FLRT1: variants seen among roughly 807,000 people sequenced by gnomAD.
FLRT1 encodes the protein leucine-rich repeat transmembrane protein FLRT1.
In FLRT1, 14 loss-of-function variants were observed where a neutral mutation model predicts 30.9. The observed-to-expected ratio is 0.45, with a 90% CI of 0.30 to 0.71. FLRT1 has a LOEUF of 0.71. Among genes scored for constraint, FLRT1 ranks in the 30% least tolerant of loss-of-function variants. The probability of loss-of-function intolerance (pLI) is 0.08; values close to 1 mark genes in which losing one functional copy is unlikely to be tolerated. For synonymous variants in FLRT1, 368 were observed against 430.4 expected, an observed-to-expected ratio of 0.85 and a Z score of 1.80; for missense variants, 737 against 949.2, an observed-to-expected ratio of 0.78 and a Z score of 2.94.
Position 64,117,875 on chromosome 11 carries a change from C to T in FLRT1, c.1608C>T (p.Thr536=), listed in dbSNP as rs1247874690. Residue 536 remains threonine (T), a synonymous_variant, in exon 3 of 3, where the codon ACC becomes ACT. Transcript: ENST00000682287. ...AGACAGCCGACAGCTATGGCCCTAC[C>T]ACCACACTCAACCAGGAGCAGAACG... ...KAETADSYGP[T]TTLNQEQNAG... The T allele has an allele frequency of 6.2e-7, 1 of 1,613,982 alleles. No individual in the cohort carries two copies. The highest frequency in any genetic ancestry group is 1.3e-5 in the African/African-American group (1 of 74,962).
chr11:64,051,271 G>C (rs1015197262), intron 1 of FLRT1, among the ~76,000 whole-genome samples: 1 of 152,238 alleles, frequency 6.6e-6, no homozygotes, highest in African/African-American at 2.4e-5. Flanking sequence ...CAGGGGAGGG[G>C]AGGGGCTGGT....
chr11:64,061,022 C>T (rs1028935474), intron 1 of FLRT1, among the ~76,000 whole-genome samples: 1 of 152,150 alleles, frequency 6.6e-6, no homozygotes, highest in Non-Finnish European at 1.5e-5. Flanking sequence ...GCATCCTCAA[C>T]CGCGGCCTCC....
rs752857407 is a variant in FLRT1 at position 64,118,239 on chromosome 11, A to G, written c.1972A>G (p.Thr658Ala). Residue 658 changes from threonine to alanine, a missense_variant, in exon 3 of 3, where the codon ACG (threonine) becomes GCG (alanine). Physicochemically the swap from Thr to Ala is moderately conservative, Grantham distance 58. Coordinates refer to ENST00000682287, the MANE Select transcript of FLRT1 (RefSeq NM_013280.5). Reference protein sequence around the residue: ...KATHTIGYGTTRGYRDGGIPD... With the variant: ...KATHTIGYGTARGYRDGGIPD... ...CACACACACCATTGGCTACGGCACCACGCGGGGCTACCGGGACGGCGGCAT... is the reference window on the plus strand; with the variant it reads ...CACACACACCATTGGCTACGGCACCGCGCGGGGCTACCGGGACGGCGGCAT... The G allele has an allele frequency of 6.2e-7, 1 of 1,608,170 alleles. No homozygotes were observed.
intron 1 of FLRT1, among the ~76,000 whole-genome samples, chr11:64,077,102 C>T (rs1016806143): frequency 6.6e-6 from 1 of 152,134 alleles, no homozygotes. Context: ...AGCCCAGTGC[C>T]CTCCACCTCA....
rs1313554864 is a variant in FLRT1 at position 64,090,638 on chromosome 11, G to A, written c.-1037-12556G>A. ...GGAGGGGTCCCAGCTGGAGCACTGCGCAGCCCCAGGCCTTGTCCCCAGCCA... is the reference window on the plus strand; with the variant it reads ...GGAGGGGTCCCAGCTGGAGCACTGCACAGCCCCAGGCCTTGTCCCCAGCCA... On this transcript the variant is annotated intron_variant, in intron 1 of 2. Transcript: ENST00000682287. The surrounding 1 kb of genome is among the most constrained non-coding windows in gnomAD (Gnocchi z 4.7). Among the ~76,000 whole-genome samples, 1 of 152,266 alleles carries A rather than the reference G, an allele frequency of 6.6e-6. No homozygotes were observed. Among genetic ancestry groups the A allele is most frequent in the Non-Finnish European group, 1.5e-5 (1 of 68,026 alleles).
At chr11:64,076,037 C>CCCT in intron 1 of FLRT1, among the ~76,000 whole-genome samples, 1 of 152,322 alleles carries the variant, frequency 6.6e-6, no homozygotes, top group African/African-American at 2.4e-5. Context: ...GGTTCCAAGT[C>CCCT]GCTCTCTCAA....
chr11:64,038,861 A>G (rs1453936139), intron 1 of FLRT1, among the ~76,000 whole-genome samples: 6 of 152,274 alleles, frequency 3.9e-5, no homozygotes, highest in African/African-American at 1.4e-4. Flanking sequence ...CTGGCCTGCT[A>G]ACCTTCGGCA....
intron 1 of FLRT1, among the ~76,000 whole-genome samples, chr11:64,098,385 C>T (rs1013735438): frequency 2.0e-5 from 3 of 152,252 alleles, no homozygotes; most frequent in African/African-American, 7.2e-5. Flanking sequence ...GCTGTTCCCT[C>T]AGCCTGAAAT....
At chr11:64,083,314 T>C (rs1944335598) in intron 1 of FLRT1, among the ~76,000 whole-genome samples, 1 of 152,144 alleles carries the variant, frequency 6.6e-6, no homozygotes. Flanking sequence ...TGGGCACCTA[T>C]AGTCCCAGCT....
intron 1 of FLRT1, among the ~76,000 whole-genome samples, chr11:64,077,459 C>T (rs1263797719): frequency 6.6e-6 from 1 of 152,132 alleles, no homozygotes; most frequent in East Asian, 1.9e-4. Context: ...TTTAAAGACC[C>T]ATCAGCCTTG....
chr11:64,078,870 G>C (rs1944252405), intron 1 of FLRT1, among the ~76,000 whole-genome samples: 1 of 152,230 alleles, frequency 6.6e-6, no homozygotes, highest in Non-Finnish European at 1.5e-5. Context: ...TGTCTCGGCA[G>C]AGGGGACAGC....
In FLRT1 at chr11:64,082,651, C is replaced by A. The variant is rs928088633; in HGVS notation, c.-1037-20543C>A. On this transcript the variant is annotated intron_variant, in intron 1 of 2. Coordinates refer to ENST00000682287, the MANE Select transcript of FLRT1 (RefSeq NM_013280.5). The surrounding 1 kb of genome is among the most constrained non-coding windows in gnomAD (Gnocchi z 4.5). ...GCACCAGGTGGGAGGGTGGGGACCC[C>A]CAGCCTGGAGCCCCAGACCCCTGTC... Among the ~76,000 whole-genome samples the A allele has an allele frequency of 2.0e-5, 3 of 152,084 alleles. No homozygotes were observed. The highest frequency in any genetic ancestry group is 4.4e-5 in the Non-Finnish European group (3 of 67,990).
intron 1 of FLRT1, among the ~76,000 whole-genome samples, chr11:64,041,869 C>T (rs1260858903): frequency 6.6e-6 from 1 of 152,190 alleles, no homozygotes; most frequent in Non-Finnish European, 1.5e-5. Flanking sequence ...GGAGTTTCAC[C>T]TCAAGGCTGA....
intron 1 of FLRT1, among the ~76,000 whole-genome samples, chr11:64,072,017 A>G (rs1424876735): frequency 6.6e-6 from 1 of 152,200 alleles, no homozygotes; most frequent in Non-Finnish European, 1.5e-5. Flanking sequence ...CGATAGCAAA[A>G]CAAACGCACT....
chr11:64,101,655 G>C (rs1944673113), intron 1 of FLRT1, among the ~76,000 whole-genome samples: 1 of 152,194 alleles, frequency 6.6e-6, no homozygotes, highest in Non-Finnish European at 1.5e-5. Context: ...AAATCACGCG[G>C]GTGGTAATAG....
intron 1 of FLRT1, among the ~76,000 whole-genome samples, chr11:64,061,455 G>A (rs2134438808): frequency 6.6e-6 from 1 of 152,312 alleles, no homozygotes; most frequent in African/African-American, 2.4e-5. Context: ...CAACAGCTTC[G>A]TGGGCTTTCC....
chr11:64,052,270 C>T (rs77098443), intron 1 of FLRT1, among the ~76,000 whole-genome samples: 1 of 152,044 alleles, frequency 6.6e-6, no homozygotes, highest in African/African-American at 2.4e-5. Context: ...AAAAAAACAA[C>T]TTTTTTTGCT....
chr11:64,067,714 C>A lies in FLRT1; in HGVS notation c.-1038+31555C>A, dbSNP rs1944030785. ...CCTGCCTGCAGTGATTGCGGACACGCCCCTCGCGAGGCACCGCAGGCTGCC... is the reference window on the plus strand; with the variant it reads ...CCTGCCTGCAGTGATTGCGGACACGACCCTCGCGAGGCACCGCAGGCTGCC... On this transcript the variant is annotated intron_variant, in intron 1 of 2. Transcript: ENST00000682287. This position sits in a 1 kb window ranked among gnomAD's most constrained non-coding sequence, Gnocchi z 4.6. 1.3e-5 allele frequency among the ~76,000 whole-genome samples: 2 copies of A among 152,206 alleles called. No individual in the cohort carries two copies. Among genetic ancestry groups the A allele is most frequent in the African/African-American group, 4.8e-5 (2 of 41,446 alleles).
At chr11:64,092,710 A>C (rs1944510994) in intron 1 of FLRT1, among the ~76,000 whole-genome samples, 1 of 152,190 alleles carries the variant, frequency 6.6e-6, no homozygotes, top group African/African-American at 2.4e-5. Flanking sequence ...TCACCACTGC[A>C]TGTCACCAGC....
Sources: gnomAD v4.1 joint callset for allele counts (sites outside exome capture counted in the v4.1 genomes callset) on GRCh38, gnomAD v4.1.1 for gene constraint, Gnocchi (gnomAD v3.1) non-coding constraint, MANE v1.5 for transcripts, NCBI Gene and HGNC (gene_info 2026-07-23, HGNC 2026-07-21) for gene names.